ICA1: variants seen among roughly 807,000 people sequenced by gnomAD.
ICA1 encodes the protein 69 kDa islet cell autoantigen.
In ICA1, 40 loss-of-function variants were observed where a neutral mutation model predicts 71.0. The observed-to-expected ratio is 0.56, with a 90% CI of 0.44 to 0.73. The LOEUF (loss-of-function observed/expected upper bound fraction) is 0.73. Among genes scored for constraint, ICA1 ranks in the 30% least tolerant of loss-of-function variants. ICA1 has a pLI of 0.00. For missense variants in ICA1, 578 were observed against 576.5 expected (o/e 1.00, Z -0.03); for synonymous variants, 207 against 209.5 (o/e 0.99, Z 0.10).
Position 8,113,842 on chromosome 7 carries a change from T to C in ICA1, c.*81A>G, listed in dbSNP as rs1005837881. On this transcript the variant is annotated 3_prime_UTR_variant, in exon 14 of 14. Transcript: ENST00000402384. This position sits in a 1 kb window ranked among gnomAD's most constrained non-coding sequence, Gnocchi z 4.2. ...ATGGCACATAATTATTAAAACAGCA[T>C]ACTGATCACTTTATACTTCTGCTAG... The C allele has an allele frequency of 2.8e-6, 4 of 1,450,168 alleles. No homozygotes were observed. Among genetic ancestry groups the C allele is most frequent in the Non-Finnish European group, 3.9e-6 (4 of 1,033,920 alleles). 89.8% of individuals were successfully genotyped at this position (1,450,168 alleles called of 1,614,324 possible).
chr7:8,261,905 G>A (rs1479736806), intron 1 of ICA1, 189 bp downstream of exon 1: 2 of 152,312 alleles, frequency 1.3e-5, no homozygotes, highest in Non-Finnish European at 2.9e-5. Flanking sequence ...GGGAGGGGAA[G>A]GGGCTGATGC....
chr7:8,157,862 A>AT (rs1472133327), intron 7 of ICA1: 3 of 151,528 alleles, frequency 2.0e-5, no homozygotes, highest in South Asian at 2.1e-4. Context: ...TAATTTTTGT[A>AT]TTTTTTTAGT....
intron 6 of ICA1, among the ~76,000 whole-genome samples, chr7:8,201,223 C>G (rs948152665): frequency 8.5e-5 from 13 of 152,312 alleles, no homozygotes; most frequent in Admixed American, 8.5e-4. Context: ...TTGTACTCTC[C>G]AGCTTCTGAC....
chr7:8,123,436 G>C lies in ICA1; in HGVS notation c.1330+4437C>G, dbSNP rs1443584115. Among the ~76,000 whole-genome samples, 1 of 151,834 alleles carries C rather than the reference G, an allele frequency of 6.6e-6. No homozygotes were observed. The highest frequency in any genetic ancestry group is 2.4e-5 in the African/African-American group (1 of 41,404). On this transcript the variant is annotated intron_variant, in intron 13 of 13. Transcript: ENST00000402384. The surrounding 1 kb of genome is among the most constrained non-coding windows in gnomAD (Gnocchi z 4.1). ...GAGGGGGTGAGGGAGCTGGGGACGC[G>C]GCCCAGAGCTTGCACTTCAGTCCTG...
At chr7:8,219,046 C>T (rs186477374) in intron 5 of ICA1, 237 of 170,368 alleles carry the variant, frequency 1.4e-3, no homozygotes, top group African/African-American at 5.4e-3. Flanking sequence ...GAGAGGCTGT[C>T]GTGTGTTAGC....
At chr7:8,163,078 T>C (rs1397708660) in intron 6 of ICA1, among the ~76,000 whole-genome samples, 1 of 152,200 alleles carries the variant, frequency 6.6e-6, no homozygotes, top group Non-Finnish European at 1.5e-5. Context: ...GGCCATGTAT[T>C]TTAGAGCCTC....
chr7:8,167,985 G>A (rs11764012), intron 6 of ICA1, among the ~76,000 whole-genome samples: 68,355 of 151,840 alleles, frequency 0.45, 19,210 homozygotes, highest in African/African-American at 0.81. Flanking sequence ...AACAAAGGTG[G>A]CCTACAAAGA....
chr7:8,167,348 T>C (rs780646229), intron 6 of ICA1, among the ~76,000 whole-genome samples: 4 of 152,188 alleles, frequency 2.6e-5, no homozygotes, highest in Non-Finnish European at 5.9e-5. Flanking sequence ...ATGGAGGTCA[T>C]TATCCTAAGT....
intron 6 of ICA1, among the ~76,000 whole-genome samples, chr7:8,199,007 C>G (rs1788629511): frequency 6.6e-6 from 1 of 152,194 alleles, no homozygotes; most frequent in Non-Finnish European, 1.5e-5. Flanking sequence ...CAACATCGTT[C>G]ATCATCAGAG....
chr7:8,182,555 G>C (rs2128269159), intron 6 of ICA1, among the ~76,000 whole-genome samples: 1 of 152,236 alleles, frequency 6.6e-6, no homozygotes, highest in Non-Finnish European at 1.5e-5. Flanking sequence ...ATGAATTAAA[G>C]GGACACCCAT....
intron 12 of ICA1, among the ~76,000 whole-genome samples, chr7:8,128,729 T>G (rs73674825): frequency 0.023 from 3,545 of 152,278 alleles, 151 homozygotes; most frequent in African/African-American, 0.081. Flanking sequence ...AAAGGAAAAG[T>G]GGGTCTGGTT....
intron 1 of ICA1, among the ~76,000 whole-genome samples, chr7:8,258,588 G>A (rs770801052): frequency 5.9e-5 from 9 of 152,140 alleles, no homozygotes; most frequent in African/African-American, 1.2e-4. Flanking sequence ...TTCATTTCAC[G>A]AAGAAGTTTA....
intron 1 of ICA1, among the ~76,000 whole-genome samples, chr7:8,241,037 A>G (rs1287787653): frequency 2.0e-5 from 3 of 152,200 alleles, no homozygotes; most frequent in Non-Finnish European, 4.4e-5. Context: ...AAGGCAGGCC[A>G]ATATTCAAAT....
chr7:8,140,466 T>C (rs1384115375), intron 10 of ICA1, among the ~76,000 whole-genome samples: 3 of 152,214 alleles, frequency 2.0e-5, no homozygotes, highest in Admixed American at 2.0e-4. Context: ...AAAAAAGTTG[T>C]GTCCTCTCCA....
chr7:8,140,096 T>A (rs900758697), intron 10 of ICA1, among the ~76,000 whole-genome samples: 7 of 152,252 alleles, frequency 4.6e-5, no homozygotes, highest in African/African-American at 1.7e-4. Context: ...TATGAATATA[T>A]AATTTATATA....
At chr7:8,259,950 G>C (rs977445724) in intron 1 of ICA1, among the ~76,000 whole-genome samples, 3 of 152,152 alleles carry the variant, frequency 2.0e-5, no homozygotes, top group Non-Finnish European at 4.4e-5. Context: ...AAAACATGCA[G>C]ATAGCATCCT....
intron 8 of ICA1, among the ~76,000 whole-genome samples, chr7:8,152,823 AACACCACTACCCCCACCACT>A: frequency 6.8e-6 from 1 of 147,054 alleles, no homozygotes; most frequent in African/African-American, 2.5e-5. Flanking sequence ...CATCTCCTTC[AACACCACTACCCCCACCACT>A]ACCACCATCA....
intron 12 of ICA1, among the ~76,000 whole-genome samples, chr7:8,136,477 T>C (rs1339696037): frequency 6.6e-6 from 1 of 152,210 alleles, no homozygotes; most frequent in Non-Finnish European, 1.5e-5. Flanking sequence ...TGTTCTTTTC[T>C]TCAGTCACCA....
intron 6 of ICA1, among the ~76,000 whole-genome samples, chr7:8,169,876 T>TTG (rs974428424): frequency 3.4e-5 from 5 of 146,088 alleles, no homozygotes; most frequent in Admixed American, 2.1e-4. Context: ...TCTTTTATGG[T>TTG]TGTGTGTGTG....
Sources: allele counts gnomAD v4.1 joint callset (sites outside exome capture counted in the v4.1 genomes callset), GRCh38; gene constraint gnomAD v4.1.1; non-coding constraint Gnocchi (gnomAD v3.1); transcripts MANE v1.5; gene names NCBI Gene and HGNC (gene_info 2026-07-23, HGNC 2026-07-21).